FAM3B: variants seen among roughly 807,000 people sequenced by gnomAD.
The protein encoded by FAM3B is protein FAM3B.
Under a neutral mutation model 28.4 loss-of-function variants are expected in FAM3B, and 29 were observed. That is an observed-to-expected ratio of 1.02 (90% CI 0.76 to 1.39). FAM3B has a LOEUF of 1.39. FAM3B is among the 40% of genes most tolerant of loss of function. FAM3B has a pLI of 0.00. For missense variants in FAM3B, 266 were observed against 293.9 expected (o/e 0.91, Z 0.69); for synonymous variants, 91 against 103.0 (o/e 0.88, Z 0.71).
intron 2 of FAM3B, among the ~76,000 whole-genome samples, chr21:41,333,415 G>A (rs901957601): frequency 6.6e-6 from 1 of 152,134 alleles, no homozygotes; most frequent in Non-Finnish European, 1.5e-5. Context: ...GATAATGAGT[G>A]AGTTCTCATG....
rs370082518 is a variant in FAM3B at position 41,353,099 on chromosome 21, A to G, written c.619-4009A>G. On this transcript the variant is annotated intron_variant, in intron 7 of 7. Transcript: ENST00000357985. ...CAAAAAGAATAAAATTCCTAGGAAT[A>G]AAGTTAACGTAGGAGATGCAAGACT... 7.2e-5 allele frequency among the ~76,000 whole-genome samples: 11 copies of G among 152,354 alleles called. No individual in the cohort carries two copies. In the East Asian group the frequency reaches 1.2e-3, roughly 16 times the overall value.
chr21:41,357,158 G>T lies in FAM3B; in HGVS notation c.669G>T (p.Glu223Asp), dbSNP rs778224220. 6 of 1,613,642 alleles carry T rather than the reference G, an allele frequency of 3.7e-6. No individual in the cohort carries two copies. Among genetic ancestry groups the T allele is most frequent in the Non-Finnish European group, 5.1e-6 (6 of 1,179,842 alleles). Residue 223 changes from glutamate to aspartate, a missense_variant, in exon 8 of 8, where the codon GAG becomes GAT. Physicochemically the swap from Glu to Asp is conservative, Grantham distance 45 (BLOSUM62 2). Transcript: ENST00000357985. ...KNNRYSGWPA[E>D]IQIEGCIPKE... ...ACAGATATTCTGGCTGGCCTGCAGA[G>T]ATCCAGATAGAAGGCTGCATACCCA...
intron 2 of FAM3B, among the ~76,000 whole-genome samples, chr21:41,330,513 A>G (rs1241884033): frequency 6.6e-6 from 1 of 152,224 alleles, no homozygotes; most frequent in African/African-American, 2.4e-5. Flanking sequence ...ATGATGTGCA[A>G]TGGATCTCTT....
intron 3 of FAM3B, among the ~76,000 whole-genome samples, chr21:41,344,168 C>T (rs1228297181): frequency 1.3e-5 from 2 of 152,168 alleles, no homozygotes; most frequent in Non-Finnish European, 2.9e-5. Context: ...CTGTGAAGAG[C>T]CTGAGCTAAA....
At chr21:41,349,713 C>T (rs940059492) in intron 7 of FAM3B, among the ~76,000 whole-genome samples, 3 of 152,176 alleles carry the variant, frequency 2.0e-5, no homozygotes, top group African/African-American at 4.8e-5. Context: ...GCGACTTCAG[C>T]GCAGGCCACA....
chr21:41,333,082 T>A (rs889409136), intron 2 of FAM3B, among the ~76,000 whole-genome samples: 9 of 151,978 alleles, frequency 5.9e-5, no homozygotes, highest in African/African-American at 2.2e-4. Flanking sequence ...AACTCCTCTG[T>A]TAGAACTGTT....
chr21:41,347,725 C>G (rs1163461941), intron 6 of FAM3B, among the ~76,000 whole-genome samples: 2 of 146,108 alleles, frequency 1.4e-5, no homozygotes, highest in Non-Finnish European at 3.0e-5. Context: ...TGCACTCCAG[C>G]CCGGTGACAG....
chr21:41,353,215 T>G (rs1489399228), intron 7 of FAM3B, among the ~76,000 whole-genome samples: 1 of 152,236 alleles, frequency 6.6e-6, no homozygotes, highest in Non-Finnish European at 1.5e-5. Flanking sequence ...TTAATATTGT[T>G]AAGATGTCAA....
chr21:41,335,066 G>A (rs1385835904), intron 2 of FAM3B, among the ~76,000 whole-genome samples: 1 of 152,180 alleles, frequency 6.6e-6, no homozygotes, highest in Admixed American at 6.5e-5. Context: ...TTTTAAAGTG[G>A]AAATATTTTA....
intron 3 of FAM3B, among the ~76,000 whole-genome samples, chr21:41,340,166 T>C (rs1390841660): frequency 6.7e-6 from 1 of 149,892 alleles, no homozygotes; most frequent in Non-Finnish European, 1.5e-5. Context: ...TTTTTTTTTT[T>C]TTTTTTGAGA....
At chr21:41,335,765 T>C (rs1011311754) in intron 2 of FAM3B, among the ~76,000 whole-genome samples, 1 of 152,250 alleles carries the variant, frequency 6.6e-6, no homozygotes, top group Non-Finnish European at 1.5e-5. Context: ...GAAAAGATAC[T>C]TGATGCAATT....
chr21:41,335,310 C>T (rs919543351), intron 2 of FAM3B, among the ~76,000 whole-genome samples: 2 of 152,138 alleles, frequency 1.3e-5, no homozygotes, highest in African/African-American at 2.4e-5. Context: ...ATGTGATTTG[C>T]ATTTGTGTCC....
In FAM3B at chr21:41,322,788, C is replaced by T. The variant is rs775344616; in HGVS notation, c.20-135C>T. On this transcript the variant is annotated intron_variant, in intron 1 of 7. Coordinates refer to ENST00000357985, the MANE Select transcript of FAM3B (RefSeq NM_058186.4). ...CCGCCTCCCACCCTGGGAGCCTCCTCCCAGGAGCACAGTGCCTATAGCGCA... is the reference window on the plus strand; with the variant it reads ...CCGCCTCCCACCCTGGGAGCCTCCTTCCAGGAGCACAGTGCCTATAGCGCA... The T allele has an allele frequency of 2.5e-5, 34 of 1,364,784 alleles. No individual in the cohort carries two copies. In the South Asian group the frequency reaches 4.1e-4, roughly 16 times the overall value. 84.5% of individuals were successfully genotyped at this position (1,364,784 alleles called of 1,614,324 possible). A position where few individuals can be genotyped will look rare whatever the true frequency, so the allele number is the denominator to read the frequency against.
At chr21:41,317,149 G>T (rs1450229396) in intron 1 of FAM3B, among the ~76,000 whole-genome samples, 1 of 152,190 alleles carries the variant, frequency 6.6e-6, no homozygotes, top group Admixed American at 6.5e-5. Flanking sequence ...TGTTCCCGCC[G>T]CCCCAGCCGG....
rs1419828040 is a variant in FAM3B, at chr21:41,344,510, G to A, written c.322G>A (p.Gly108Arg). The A allele has an allele frequency of 1.2e-6, 2 of 1,614,124 alleles. No individual in the cohort carries two copies. The highest frequency in any genetic ancestry group is 2.2e-5 in the East Asian group (1 of 44,892). ...AGAACAGCTGGGAAATGTTGCCAGAGGAATAAACATTGCCATTGTCAACTG... is the reference window on the plus strand; with the variant it reads ...AGAACAGCTGGGAAATGTTGCCAGAAGAATAAACATTGCCATTGTCAACTG... ...MGEQLGNVAR[G>R]INIAIVNYVT... Residue 108 changes from glycine to arginine, a missense_variant, in exon 4 of 8, where the codon GGA (glycine) becomes AGA (arginine). Gly to Arg is a moderately radical substitution (Grantham distance 125, BLOSUM62 -2). Coordinates refer to ENST00000357985, the MANE Select transcript of FAM3B (RefSeq NM_058186.4).
intron 2 of FAM3B, among the ~76,000 whole-genome samples, chr21:41,333,253 T>A (rs1234415508): frequency 2.0e-5 from 3 of 152,234 alleles, no homozygotes; most frequent in Non-Finnish European, 4.4e-5. Flanking sequence ...CTGAAATTAC[T>A]TTTTGATATG....
At chr21:41,322,838 A>G in intron 1 of FAM3B, 85 bp from the exon 2 acceptor site, 1 of 1,609,798 alleles carries the variant, frequency 6.2e-7, no homozygotes, top group Non-Finnish European at 8.5e-7. Context: ...GGCCGGGATG[A>G]AAAGCCACAG....
chr21:41,347,169 T>C (rs972647937), intron 6 of FAM3B, 69 bp downstream of exon 6: 15 of 1,289,704 alleles, frequency 1.2e-5, no homozygotes, highest in Middle Eastern at 1.8e-4. Context: ...TGCCAGGGTC[T>C]CTCAGTGACA....
chr21:41,319,068 A>G (rs2088777290), intron 1 of FAM3B, among the ~76,000 whole-genome samples: 1 of 151,880 alleles, frequency 6.6e-6, no homozygotes, highest in Non-Finnish European at 1.5e-5. Context: ...AATTTTTTTA[A>G]ACTTTTTGTA....
Sources: gnomAD v4.1 joint callset for allele counts (sites outside exome capture counted in the v4.1 genomes callset) on GRCh38, gnomAD v4.1.1 for gene constraint, MANE v1.5 for transcripts, NCBI Gene and HGNC (gene_info 2026-07-23, HGNC 2026-07-21) for gene names.